Variants in OSBPL10 observed in about 807,000 individuals in gnomAD.
OSBPL10 encodes the protein oxysterol binding protein like 10.
Under a neutral mutation model 81.7 loss-of-function variants are expected in OSBPL10, and 49 were observed. The ratio of observed to expected loss-of-function variants is 0.60; its 90% CI spans 0.48 to 0.76. The LOEUF is 0.76. Among genes scored for constraint, OSBPL10 ranks in the 30% least tolerant of loss-of-function variants. The probability of loss-of-function intolerance (pLI) is 0.00; values close to 1 mark genes in which losing one functional copy is unlikely to be tolerated. For missense variants in OSBPL10, 923 were observed against 987.8 expected, an observed-to-expected ratio of 0.93 and a Z score of 0.88; for synonymous variants, 419 against 383.6, an observed-to-expected ratio of 1.09 and a Z score of -1.08.
chr3:32,010,133 G>C (rs78164921), intron 2 of OSBPL10, among the ~76,000 whole-genome samples: 13,123 of 149,138 alleles, frequency 0.088, 637 homozygotes, highest in Middle Eastern at 0.13. Flanking sequence ...ACCTCAGGAG[G>C]CTGCCCATTT....
rs1289511267 is a variant in OSBPL10 at position 32,061,452 on chromosome 3, G to A, written n.186-14849C>T. Among the ~76,000 whole-genome samples, 2 of 93,060 alleles carry A rather than the reference G, an allele frequency of 2.1e-5. 1 individual carries two copies. The highest frequency in any genetic ancestry group is 2.6e-4 in the Admixed American group (2 of 7,652). The allele number at this position is 93,060 out of a possible 152,430, so 61.1% of individuals were successfully genotyped here. ...ATACTTCATGGGCACTATTTAAGGT[G>A]AAGCCCTTGAGGAAAACCTTAAGGT... On this transcript the variant is annotated intron_variant and non_coding_transcript_variant, in intron 1 of 3. Coordinates refer to the OSBPL10 transcript ENST00000479173.
chr3:31,933,921 G>T (rs1033773635), intron 1 of OSBPL10, among the ~76,000 whole-genome samples: 2 of 152,060 alleles, frequency 1.3e-5, no homozygotes, highest in Non-Finnish European at 2.9e-5. Flanking sequence ...AAAGTGTTAA[G>T]TGCTACAGTT....
intron 1 of OSBPL10, among the ~76,000 whole-genome samples, chr3:31,947,920 G>A (rs935192428): frequency 1.7e-4 from 26 of 151,362 alleles, no homozygotes; most frequent in Admixed American, 1.2e-3. Context: ...AAAAAGCTCT[G>A]AAGTAAACTG....
chr3:31,834,649 G>T (rs1157354916), intron 3 of OSBPL10, among the ~76,000 whole-genome samples: 1 of 152,162 alleles, frequency 6.6e-6, no homozygotes, highest in Middle Eastern at 3.2e-3. Flanking sequence ...ACTGCCATTT[G>T]GGAAAGGGGT....
At chr3:32,017,555 T>C (rs191722940) in intron 2 of OSBPL10, among the ~76,000 whole-genome samples, 1 of 152,280 alleles carries the variant, frequency 6.6e-6, no homozygotes, top group East Asian at 1.9e-4. Flanking sequence ...TTGGTCTGTT[T>C]GGGCCCAGGG....
At chr3:31,779,559 C>T (rs1044198124) in intron 4 of OSBPL10, among the ~76,000 whole-genome samples, 2 of 152,192 alleles carry the variant, frequency 1.3e-5, no homozygotes, top group African/African-American at 2.4e-5. Flanking sequence ...ATTTATAAAA[C>T]AATTATTACT....
chr3:31,942,885 G>C (rs1237295606), intron 1 of OSBPL10, among the ~76,000 whole-genome samples: 1 of 152,092 alleles, frequency 6.6e-6, no homozygotes, highest in Non-Finnish European at 1.5e-5. Flanking sequence ...TCATGTTTAG[G>C]TGTACAATTC....
rs1359955180 is a variant in OSBPL10 at position 31,688,299 on chromosome 3, A to T, written c.1246-4185T>A. On this transcript the variant is annotated intron_variant, in intron 7 of 11. Coordinates refer to ENST00000396556, the MANE Select transcript of OSBPL10 (RefSeq NM_017784.5). ...CTCTCTCTCTCACACACACACACAC[A>T]CACACACACACACACACACACACTC... 5.3e-5 allele frequency among the ~76,000 whole-genome samples: 8 copies of T among 150,594 alleles called. No individual in the cohort carries two copies. In the East Asian group the frequency reaches 1.6e-3, roughly 29 times the overall value.
chr3:31,876,144 G>A (rs558982743), intron 3 of OSBPL10, among the ~76,000 whole-genome samples: 1 of 151,946 alleles, frequency 6.6e-6, no homozygotes, highest in East Asian at 1.9e-4. Context: ...ATCCACTAGA[G>A]CTTCTCAATA....
intron 4 of OSBPL10, among the ~76,000 whole-genome samples, chr3:31,824,357 C>A (rs1239972854): frequency 6.6e-6 from 1 of 152,090 alleles, no homozygotes; most frequent in African/African-American, 2.4e-5. Flanking sequence ...TGCAATTTAA[C>A]CTAAATTGTG....
chr3:31,762,474 T>G (rs568080357), intron 4 of OSBPL10, among the ~76,000 whole-genome samples: 1 of 151,882 alleles, frequency 6.6e-6, no homozygotes, highest in East Asian at 1.9e-4. Flanking sequence ...TGGTTACTGT[T>G]TTTTTTGTTT....
intron 1 of OSBPL10, among the ~76,000 whole-genome samples, chr3:32,053,925 A>G (rs1446424252): frequency 6.6e-6 from 1 of 152,112 alleles, no homozygotes; most frequent in Non-Finnish European, 1.5e-5. Context: ...CCAAGATTGC[A>G]CCACTGCACT....
At chr3:31,801,427 C>G (rs1326952637) in intron 4 of OSBPL10, among the ~76,000 whole-genome samples, 3 of 152,178 alleles carry the variant, frequency 2.0e-5, no homozygotes, top group Non-Finnish European at 2.9e-5. Context: ...CCCAACAGCC[C>G]TAAGACTCTG....
chr3:31,964,020 A>G (rs1698242509), intron 1 of OSBPL10, among the ~76,000 whole-genome samples: 1 of 151,964 alleles, frequency 6.6e-6, no homozygotes, highest in Admixed American at 6.6e-5. Context: ...GCACATCCAA[A>G]CCAAGAGGGA....
Position 31,661,906 on chromosome 3 carries a change from A to G in OSBPL10, c.*166T>C. 1 of 989,544 alleles carries G rather than the reference A, an allele frequency of 1.0e-6. No homozygotes were observed. The highest frequency in any genetic ancestry group is 2.7e-5 in the Admixed American group (1 of 36,594). The allele number at this position is 989,544 out of a possible 1,614,324, so 61.3% of individuals were successfully genotyped here. A position where few individuals can be genotyped will look rare whatever the true frequency, so the allele number is the denominator to read the frequency against. On this transcript the variant is annotated 3_prime_UTR_variant, in exon 12 of 12. Transcript: ENST00000396556. ...TCTTGAATAAATTCATTCCTCTAGC[A>G]GAGTGTGGGGGTGCACTTTTCATAG...
At chr3:32,055,422 T>C (rs1180127914) in intron 1 of OSBPL10, among the ~76,000 whole-genome samples, 3 of 151,900 alleles carry the variant, frequency 2.0e-5, no homozygotes, top group African/African-American at 7.3e-5. Context: ...CAGGCTGGTC[T>C]CCTAACCTCG....
At chr3:31,728,260 A>G (rs975294403) in intron 6 of OSBPL10, among the ~76,000 whole-genome samples, 6 of 152,194 alleles carry the variant, frequency 3.9e-5, no homozygotes, top group African/African-American at 9.7e-5. Context: ...CCAGATGACT[A>G]ACTAGGCAAA....
chr3:31,965,818 TATTATATA>T, intron 1 of OSBPL10, among the ~76,000 whole-genome samples: 1 of 62,756 alleles, frequency 1.6e-5, no homozygotes, highest in African/African-American at 1.5e-4. Flanking sequence ...ATATAATATA[TATTATATA>T]AATATATAAT....
intron 1 of OSBPL10, among the ~76,000 whole-genome samples, chr3:31,913,205 G>A (rs1360416060): frequency 6.6e-6 from 1 of 151,332 alleles, no homozygotes; most frequent in Non-Finnish European, 1.5e-5. Flanking sequence ...GTCAGAAAGT[G>A]TAAATGGACA....
Sources: gnomAD v4.1 joint callset for allele counts (sites outside exome capture counted in the v4.1 genomes callset) on GRCh38, gnomAD v4.1.1 for gene constraint, MANE v1.5 for transcripts, NCBI Gene and HGNC (gene_info 2026-07-23, HGNC 2026-07-21) for gene names.